The following RBFOX1 variants were observed in gnomAD, a reference collection of about 807,000 sequenced individuals.
RBFOX1 encodes the protein RNA binding protein fox-1 homolog 1.
RBFOX1 carries 8 observed loss-of-function variants against 57.7 expected under a neutral mutation model. The ratio of observed to expected loss-of-function variants is 0.14; its 90% CI spans 0.08 to 0.25. The LOEUF (loss-of-function observed/expected upper bound fraction) is 0.25, where lower values mean the gene tolerates loss of function less well. RBFOX1 is among the 10% of genes least tolerant of loss of function. RBFOX1 has a pLI of 1.00. For missense variants in RBFOX1, 611 were observed against 548.5 expected, an observed-to-expected ratio of 1.11 and a Z score of -1.14; for synonymous variants, 326 against 222.4, an observed-to-expected ratio of 1.47 and a Z score of -4.15.
chr16:5,463,959 A>T (rs2068875417), intron 1 of RBFOX1, among the ~76,000 whole-genome samples: 1 of 152,196 alleles, frequency 6.6e-6, no homozygotes, highest in South Asian at 2.1e-4. Flanking sequence ...GCAGCCTTTG[A>T]AGAGCCTCTC....
Position 6,774,126 on chromosome 16 carries a change from T to C in RBFOX1, c.-16+119476T>C, listed in dbSNP as rs946574178. ...GGACTTTTTGTAAAATACCAAGTTA[T>C]CGGAACAAAGACCGGCACTCTGGGA... On this transcript the variant is annotated intron_variant, in intron 3 of 15. Coordinates refer to ENST00000550418, the MANE Select transcript of RBFOX1 (RefSeq NM_018723.4). The C allele has an allele frequency of 5.5e-6, 3 of 549,868 alleles. No homozygotes were observed. In the South Asian group the frequency reaches 2.4e-4, roughly 44 times the overall value. The allele number at this position is 549,868 out of a possible 1,614,324, so 34.1% of individuals were successfully genotyped here.
chr16:5,617,680 C>T (rs1425837213), intron 3 of RBFOX1, among the ~76,000 whole-genome samples: 3 of 152,170 alleles, frequency 2.0e-5, no homozygotes, highest in African/African-American at 7.2e-5. Flanking sequence ...GGACTATACC[C>T]TGGAAAGCTA....
intron 4 of RBFOX1, among the ~76,000 whole-genome samples, chr16:7,379,170 C>G: frequency 6.6e-6 from 1 of 152,110 alleles, no homozygotes; most frequent in East Asian, 1.9e-4. Context: ...ACTCTCTTTC[C>G]TCTCAAGGTT....
chr16:6,653,185 CAA>C lies in RBFOX1; in HGVS notation c.-63-1412_-63-1411del, dbSNP rs1166691382. ...AGCCTTTTCTCAATTGCCACTTTTT[CAA>C]AAAAATCAACATCAACATCGTATTC... On this transcript the variant is annotated intron_variant, in intron 2 of 15. Coordinates refer to ENST00000550418, the MANE Select transcript of RBFOX1 (RefSeq NM_018723.4). Among the ~76,000 whole-genome samples the C allele has an allele frequency of 4.6e-5, 7 of 152,072 alleles. No homozygotes were observed. The South Asian group carries it at 1.2e-3, about 27-fold the overall frequency.
intron 9 of RBFOX1, among the ~76,000 whole-genome samples, chr16:7,601,926 G>A (rs1265838779): frequency 1.3e-5 from 2 of 152,210 alleles, no homozygotes; most frequent in Non-Finnish European, 2.9e-5. Flanking sequence ...TACCCAGTGC[G>A]AACCTCACTT....
chr16:6,901,048 G>C (rs761412643), intron 3 of RBFOX1, among the ~76,000 whole-genome samples: 1 of 152,172 alleles, frequency 6.6e-6, no homozygotes, highest in Non-Finnish European at 1.5e-5. Flanking sequence ...ACCGGGTGCT[G>C]TGTTCACAGC....
intron 1 of RBFOX1, among the ~76,000 whole-genome samples, chr16:5,362,197 CTT>C (rs113440850): frequency 6.8e-6 from 1 of 147,200 alleles, no homozygotes; most frequent in East Asian, 2.0e-4. Context: ...GTCACTGAAA[CTT>C]TTTTTTTTTT....
intron 3 of RBFOX1, among the ~76,000 whole-genome samples, chr16:6,720,591 C>T (rs1309696968): frequency 6.6e-6 from 1 of 152,076 alleles, no homozygotes; most frequent in Non-Finnish European, 1.5e-5. Context: ...GATGGAGAAA[C>T]AGAAGTGAGA....
intron 1 of RBFOX1, among the ~76,000 whole-genome samples, chr16:5,388,270 A>G (rs1449005673): frequency 1.3e-5 from 2 of 152,202 alleles, no homozygotes; most frequent in East Asian, 3.9e-4. Context: ...CTCAGAAGAC[A>G]TAGCACATCC....
rs138238554 is a variant in RBFOX1, at chr16:6,807,372, C to G, written c.-16+152722C>G. On this transcript the variant is annotated intron_variant, in intron 3 of 15. Coordinates refer to ENST00000550418, the MANE Select transcript of RBFOX1 (RefSeq NM_018723.4). ...AATTTTGAGACAAGGATGAGTGAGTCCAAGTTGATTTCTGCATTTAGGGTT... is the reference window on the plus strand; with the variant it reads ...AATTTTGAGACAAGGATGAGTGAGTGCAAGTTGATTTCTGCATTTAGGGTT... Among the ~76,000 whole-genome samples, 621 of 152,080 alleles carry G rather than the reference C, an allele frequency of 4.1e-3. 4 individuals are homozygous for G. The highest frequency in any genetic ancestry group is 0.013 in the African/African-American group (553 of 41,490).
intron 4 of RBFOX1, among the ~76,000 whole-genome samples, chr16:7,190,874 G>C (rs941619413): frequency 3.3e-5 from 5 of 152,166 alleles, no homozygotes; most frequent in African/African-American, 1.2e-4. Flanking sequence ...CTATTCTTCA[G>C]AGGATGTTAA....
At chr16:6,075,917 C>A (rs1023193137) in intron 1 of RBFOX1, among the ~76,000 whole-genome samples, 5 of 152,176 alleles carry the variant, frequency 3.3e-5, no homozygotes, top group African/African-American at 9.7e-5. Context: ...CTTGTGGCAA[C>A]CTAATGAGGC....
intron 4 of RBFOX1, among the ~76,000 whole-genome samples, chr16:7,083,491 C>T (rs1598994320): frequency 6.6e-6 from 1 of 152,216 alleles, no homozygotes. Flanking sequence ...TACCAATCCA[C>T]TGGTGTATCA....
intron 3 of RBFOX1, among the ~76,000 whole-genome samples, chr16:6,999,223 T>TA (rs1216952663): frequency 1.0e-5 from 1 of 99,688 alleles, no homozygotes; most frequent in African/African-American, 3.3e-5. Flanking sequence ...TTTATTTTTT[T>TA]TATTTATTTT....
chr16:7,267,446 G>C (rs12930684), intron 4 of RBFOX1, among the ~76,000 whole-genome samples: 13,187 of 152,144 alleles, frequency 0.087, 783 homozygotes, highest in Non-Finnish European at 0.13. Flanking sequence ...TGAGGCAAGA[G>C]AATCACTTGA....
At chr16:5,541,747 T>A (rs1281594624) in intron 2 of RBFOX1, among the ~76,000 whole-genome samples, 2 of 152,236 alleles carry the variant, frequency 1.3e-5, no homozygotes, top group Non-Finnish European at 2.9e-5. Context: ...TCTAATTATT[T>A]ATTTCATTTT....
At chr16:6,892,496 C>A (rs12448588) in intron 3 of RBFOX1, among the ~76,000 whole-genome samples, 3 of 151,872 alleles carry the variant, frequency 2.0e-5, no homozygotes, top group Non-Finnish European at 4.4e-5. Flanking sequence ...ACGGTGAAAC[C>A]CTGATTCTAC....
At chr16:6,966,393 G>A (rs1472529127) in intron 3 of RBFOX1, among the ~76,000 whole-genome samples, 1 of 152,134 alleles carries the variant, frequency 6.6e-6, no homozygotes, top group Non-Finnish European at 1.5e-5. Context: ...GGACAGCCAG[G>A]AGGAAGGGGT....
At chr16:6,713,940 T>C (rs718972) in intron 3 of RBFOX1, among the ~76,000 whole-genome samples, 81,187 of 152,144 alleles carry the variant, frequency 0.53, 23,117 homozygotes, top group Middle Eastern at 0.76. Flanking sequence ...GAAGCAGACC[T>C]GAGGCAATAA....
Sources: gnomAD v4.1 joint callset for allele counts (sites outside exome capture counted in the v4.1 genomes callset) on GRCh38, gnomAD v4.1.1 for gene constraint, MANE v1.5 for transcripts, NCBI Gene and HGNC (gene_info 2026-07-23, HGNC 2026-07-21) for gene names.